The following ASAP1 variants were observed in gnomAD, a reference collection of about 807,000 sequenced individuals.
ASAP1 encodes the protein ArfGAP with SH3 domain, ankyrin repeat and PH domain 1, also known as arf-GAP with SH3 domain, ANK repeat and PH domain-containing protein 1.
ASAP1 carries 43 observed loss-of-function variants against 145.2 expected under a neutral mutation model. The ratio of observed to expected loss-of-function variants is 0.30; its 90% CI spans 0.23 to 0.38. The LOEUF (loss-of-function observed/expected upper bound fraction) is 0.38. Ranked by LOEUF, ASAP1 falls within the 10% of genes least tolerant of loss-of-function variation. ASAP1 has a pLI of 1.00. For missense variants in ASAP1, 1,018 were observed against 1,355.3 expected (o/e 0.75, Z 3.91); for synonymous variants, 546 against 515.5 (o/e 1.06, Z -0.80).
rs376140494 is a variant in ASAP1 at position 130,358,000 on chromosome 8, G to A, written c.186+17C>T. ...GCAGCGGCGAGCGTGGACGGCGGGGGTCCCGGCCCGACCTACCTCCTCCAG... is the reference window on the plus strand; with the variant it reads ...GCAGCGGCGAGCGTGGACGGCGGGGATCCCGGCCCGACCTACCTCCTCCAG... On this transcript the variant is annotated intron_variant, in intron 3 of 29. Coordinates refer to ENST00000518721, the MANE Select transcript of ASAP1 (RefSeq NM_018482.4). The A allele has an allele frequency of 6.9e-6, 11 of 1,598,000 alleles. No homozygotes were observed. The highest frequency in any genetic ancestry group is 1.3e-5 in the African/African-American group (1 of 74,654).
At position 130,286,984 on chromosome 8, in the gene ASAP1, T is replaced by A. The variant is rs867859714; in HGVS notation, c.187-49990A>T. Among the ~76,000 whole-genome samples the A allele has an allele frequency of 6.6e-5, 10 of 151,988 alleles. No individual in the cohort carries two copies. In the South Asian group the frequency reaches 1.2e-3, roughly 19 times the overall value. ...GCCCGTAGGGGGTCAAAAAGGCGAA[T>A]GAGCACAATTTGAGGGAAGACTTCT... On this transcript the variant is annotated intron_variant, in intron 3 of 29. Coordinates refer to ENST00000518721, the MANE Select transcript of ASAP1 (RefSeq NM_018482.4).
chr8:130,347,190 T>G (rs1417462423), intron 3 of ASAP1, among the ~76,000 whole-genome samples: 7 of 152,204 alleles, frequency 4.6e-5, no homozygotes, highest in Non-Finnish European at 7.3e-5. Context: ...TGCCATCACT[T>G]TGGATTTAGT....
chr8:130,188,099 G>T lies in ASAP1; in HGVS notation c.480+10C>A, dbSNP rs1162701792. On this transcript the variant is annotated intron_variant, in intron 6 of 29. Transcript: ENST00000518721. ...AAGTTAAAGTGAAAATCAAATTTCT[G>T]AACACTTACTCCTTTGACTCCCTTT... 5.0e-6 allele frequency: 8 copies of T among 1,596,398 alleles called. No homozygotes were observed. The African/African-American group carries it at 1.1e-4, about 21-fold the overall frequency.
intron 24 of ASAP1, among the ~76,000 whole-genome samples, chr8:130,104,093 G>A (rs1391445427): frequency 1.3e-5 from 2 of 152,066 alleles, no homozygotes; most frequent in Admixed American, 1.3e-4. Flanking sequence ...GATCTGTACT[G>A]TCTCCACAGC....
At chr8:130,329,739 T>C (rs1475449022) in intron 3 of ASAP1, among the ~76,000 whole-genome samples, 1 of 152,172 alleles carries the variant, frequency 6.6e-6, no homozygotes, top group Admixed American at 6.5e-5. Flanking sequence ...CACAGATGCA[T>C]TACTTCCAAT....
chr8:130,227,974 G>A (rs1247887595), intron 4 of ASAP1, among the ~76,000 whole-genome samples: 1 of 152,104 alleles, frequency 6.6e-6, no homozygotes, highest in Non-Finnish European at 1.5e-5. Flanking sequence ...AGATCAAAAG[G>A]GGCAGGTCTC....
intron 3 of ASAP1, among the ~76,000 whole-genome samples, chr8:130,300,113 TACACACACACAC>T (rs373589102): frequency 3.0e-4 from 22 of 72,902 alleles, no homozygotes; most frequent in South Asian, 6.2e-4. Context: ...AAAAGAAAAA[TACACACACACAC>T]ACACACACAC....
chr8:130,274,423 T>C (rs1478278107), intron 3 of ASAP1, among the ~76,000 whole-genome samples: 1 of 152,098 alleles, frequency 6.6e-6, no homozygotes, highest in African/African-American at 2.4e-5. Flanking sequence ...AGAGAGGAGA[T>C]AATAGCTGGT....
At position 130,114,768 on chromosome 8, in the gene ASAP1, AAT is replaced by A. The variant is rs1491298206; in HGVS notation, c.2172+858_2172+859del. Among the ~76,000 whole-genome samples the A allele has an allele frequency of 3.6e-3, 430 of 118,492 alleles. 1 individual carries two copies. Among genetic ancestry groups the A allele is most frequent in the African/African-American group, 0.013 (417 of 32,962 alleles). The allele number at this position is 118,492 out of a possible 152,430, so 77.7% of individuals were successfully genotyped here. On this transcript the variant is annotated intron_variant, in intron 23 of 29. Transcript: ENST00000518721. ...TTACTAATTACTTGTTTTGAAGGTT[AAT>A]TTTTTTTTTTTTTTTTTTTAAGATA... is the stretch of plus-strand genomic sequence containing the variant.
intron 3 of ASAP1, among the ~76,000 whole-genome samples, chr8:130,288,108 G>T (rs138905412): frequency 2.6e-5 from 4 of 152,168 alleles, no homozygotes; most frequent in African/African-American, 7.2e-5. Flanking sequence ...CCAGCTACAC[G>T]CATCAAGCAA....
intron 5 of ASAP1, among the ~76,000 whole-genome samples, chr8:130,205,079 C>G (rs1450745491): frequency 2.0e-5 from 3 of 152,140 alleles, no homozygotes; most frequent in Non-Finnish European, 4.4e-5. Context: ...CATTCCAGTA[C>G]CAATCATTCT....
chr8:130,238,307 C>A (rs1818333646), intron 3 of ASAP1, among the ~76,000 whole-genome samples: 1 of 152,216 alleles, frequency 6.6e-6, no homozygotes, highest in Middle Eastern at 3.4e-3. Context: ...GGTTCTGTTT[C>A]TTGATGTGAG....
At chr8:130,177,221 C>G (rs1814023604) in intron 9 of ASAP1, among the ~76,000 whole-genome samples, 1 of 152,192 alleles carries the variant, frequency 6.6e-6, no homozygotes, top group Non-Finnish European at 1.5e-5. Flanking sequence ...GATGCATTAG[C>G]TATACAAGTT....
At chr8:130,285,205 T>C (rs1004181868) in intron 3 of ASAP1, among the ~76,000 whole-genome samples, 1 of 152,054 alleles carries the variant, frequency 6.6e-6, no homozygotes, top group Non-Finnish European at 1.5e-5. Flanking sequence ...ATTAGTAAAA[T>C]AAATATTAAG....
At chr8:130,308,309 A>T (rs1823116690) in intron 3 of ASAP1, among the ~76,000 whole-genome samples, 1 of 152,222 alleles carries the variant, frequency 6.6e-6, no homozygotes, top group Admixed American at 6.5e-5. Flanking sequence ...CCATGTTATG[A>T]TCAAAATAAG....
intron 24 of ASAP1, among the ~76,000 whole-genome samples, chr8:130,102,592 A>G (rs1328627753): frequency 6.6e-6 from 1 of 152,196 alleles, no homozygotes; most frequent in African/African-American, 2.4e-5. Context: ...TTTTGGTATT[A>G]GGGCAATGCT....
chr8:130,280,515 C>T (rs562647185), intron 3 of ASAP1, among the ~76,000 whole-genome samples: 2 of 152,350 alleles, frequency 1.3e-5, no homozygotes, highest in East Asian at 3.9e-4. Context: ...TCAGCATTTT[C>T]AGAATCCAGA....
chr8:130,268,551 A>G (rs929775271), intron 3 of ASAP1, among the ~76,000 whole-genome samples: 4 of 151,476 alleles, frequency 2.6e-5, no homozygotes, highest in Non-Finnish European at 5.9e-5. Context: ...GTAACTATAG[A>G]GCAATATTTG....
At chr8:130,396,772 G>A (rs1586969908) in intron 2 of ASAP1, among the ~76,000 whole-genome samples, 1 of 152,322 alleles carries the variant, frequency 6.6e-6, no homozygotes, top group Middle Eastern at 3.4e-3. Context: ...AATTTGGGCT[G>A]ACAGCCTGTG....
Sources: allele counts gnomAD v4.1 joint callset (sites outside exome capture counted in the v4.1 genomes callset), GRCh38; gene constraint gnomAD v4.1.1; transcripts MANE v1.5; gene names NCBI Gene and HGNC (gene_info 2026-07-23, HGNC 2026-07-21).